Variants in HECW2 observed in about 807,000 individuals in gnomAD.
HECW2 encodes HECT, C2 and WW domain containing E3 ubiquitin protein ligase 2.
Under a neutral mutation model 175.2 loss-of-function variants are expected in HECW2, and 61 were observed. That is an observed-to-expected ratio of 0.35 (90% CI 0.28 to 0.43). The LOEUF (loss-of-function observed/expected upper bound fraction) is 0.43, where lower values mean the gene tolerates loss of function less well. HECW2 is among the 20% of genes least tolerant of loss of function. The probability of loss-of-function intolerance (pLI) is 1.00; values close to 1 mark genes in which losing one functional copy is unlikely to be tolerated. For missense variants in HECW2, 1,524 were observed against 2,000.5 expected (o/e 0.76, Z 4.54); for synonymous variants, 671 against 731.0 (o/e 0.92, Z 1.32).
Position 196,222,155 on chromosome 2 carries a change from C to T in HECW2, c.4146+56G>A, listed in dbSNP as rs145154786. 2.6e-3 allele frequency: 4,029 copies of T among 1,527,090 alleles called. 4 individuals are homozygous for T. Among genetic ancestry groups the T allele is most frequent in the Non-Finnish European group, 3.4e-3 (3,874 of 1,123,722 alleles). The allele number at this position is 1,527,090 out of a possible 1,614,324, so 94.6% of individuals were successfully genotyped here. On this transcript the variant is annotated intron_variant, in intron 24 of 28. Coordinates refer to ENST00000644978, the MANE Select transcript of HECW2 (RefSeq NM_001348768.2). ...TCTTAGCCATGGAGTTAATTCTTCA[C>T]TCATCAATAGCCTTCAGTTACCACA... is the stretch of plus-strand genomic sequence containing the variant.
At position 196,307,928 on chromosome 2, in the gene HECW2, T is replaced by C. The variant is rs560211954; in HGVS notation, c.2585+7A>G. On this transcript the variant is annotated splice_region_variant and intron_variant, in intron 11 of 28. Transcript: ENST00000644978. ...TACAACAGTCACAGCAAAATGTTCA[T>C]CCTCACCGCCGGTTCAGCTGCTCCA... The C allele has an allele frequency of 1.3e-5, 19 of 1,519,232 alleles. No individual in the cohort carries two copies. In the African/African-American group the frequency reaches 1.9e-4, roughly 15 times the overall value. The allele number at this position is 1,519,232 out of a possible 1,614,324, so 94.1% of individuals were successfully genotyped here.
chr2:196,233,227 T>C (rs988965546), intron 21 of HECW2, among the ~76,000 whole-genome samples: 5 of 152,142 alleles, frequency 3.3e-5, no homozygotes, highest in African/African-American at 1.2e-4. Context: ...GGACGACGGG[T>C]GTGTAGCCGC....
intron 2 of HECW2, 92 bp downstream of exon 2, chr2:196,433,040 T>G (rs1490560539): frequency 1.2e-5 from 15 of 1,283,698 alleles, no homozygotes; most frequent in Non-Finnish European, 1.5e-5. Flanking sequence ...GCATGTGAAT[T>G]TTTTTCCAGA....
chr2:196,382,455 G>C (rs1048359419), intron 2 of HECW2, among the ~76,000 whole-genome samples: 1 of 151,642 alleles, frequency 6.6e-6, no homozygotes, highest in African/African-American at 2.4e-5. Flanking sequence ...AAAGGCCTCT[G>C]GTTATTCACA....
chr2:196,561,023 G>C (rs1002305034), intron 1 of HECW2, among the ~76,000 whole-genome samples: 3 of 152,196 alleles, frequency 2.0e-5, no homozygotes, highest in Non-Finnish European at 4.4e-5. Context: ...GATGTTCAGG[G>C]AACAAGGGAG....
intron 28 of HECW2, among the ~76,000 whole-genome samples, chr2:196,206,943 C>T (rs576715313): frequency 6.6e-6 from 1 of 152,340 alleles, no homozygotes; most frequent in Non-Finnish European, 1.5e-5. Flanking sequence ...TCATAGAGGA[C>T]ACTATCTGTG....
chr2:196,393,418 T>C (rs1694570240), intron 2 of HECW2, among the ~76,000 whole-genome samples: 1 of 152,078 alleles, frequency 6.6e-6, no homozygotes, highest in Non-Finnish European at 1.5e-5. Context: ...AAAGGGCTAA[T>C]ATTGAGAATC....
At chr2:196,586,110 C>T (rs1690965346) in intron 1 of HECW2, among the ~76,000 whole-genome samples, 1 of 152,170 alleles carries the variant, frequency 6.6e-6, no homozygotes, top group Admixed American at 6.5e-5. Context: ...ATTCTTCTAG[C>T]AGGTCACTGA....
chr2:196,371,372 G>T (rs6749507), intron 2 of HECW2, among the ~76,000 whole-genome samples: 39,303 of 151,936 alleles, frequency 0.26, 6,465 homozygotes, highest in African/African-American at 0.47. Context: ...TTTAAATAAA[G>T]AATAAAAAAG....
At chr2:196,506,117 TA>T (rs1470467381) in intron 1 of HECW2, among the ~76,000 whole-genome samples, 1 of 152,048 alleles carries the variant, frequency 6.6e-6, no homozygotes, top group Middle Eastern at 3.2e-3. Context: ...GGGGATGGCA[TA>T]ATATGATATG....
intron 2 of HECW2, among the ~76,000 whole-genome samples, chr2:196,373,102 C>G (rs542137989): frequency 1.3e-5 from 2 of 152,292 alleles, no homozygotes; most frequent in Middle Eastern, 6.8e-3. Flanking sequence ...GACTCTAAAT[C>G]ACTGAAATAA....
At chr2:196,546,673 T>C (rs536980179) in intron 1 of HECW2, among the ~76,000 whole-genome samples, 8 of 152,240 alleles carry the variant, frequency 5.3e-5, no homozygotes, top group African/African-American at 9.6e-5. Context: ...AGAAAGACCA[T>C]TGGCTTTCAA....
chr2:196,529,754 T>C (rs1296354861), intron 1 of HECW2, among the ~76,000 whole-genome samples: 1 of 152,218 alleles, frequency 6.6e-6, no homozygotes, highest in Non-Finnish European at 1.5e-5. Context: ...TGAGTGACCA[T>C]GAAGAGCAAC....
At chr2:196,478,374 G>A (rs2125367368) in intron 1 of HECW2, among the ~76,000 whole-genome samples, 1 of 152,280 alleles carries the variant, frequency 6.6e-6, no homozygotes, top group East Asian at 1.9e-4. Context: ...GAGTCTCCTG[G>A]CTGCTGGTCT....
chr2:196,409,799 G>A (rs1002116236), intron 2 of HECW2, among the ~76,000 whole-genome samples: 1 of 152,168 alleles, frequency 6.6e-6, no homozygotes, highest in Non-Finnish European at 1.5e-5. Flanking sequence ...CATGCTACCA[G>A]AAGATTTTTA....
At chr2:196,500,757 T>TCAAGG (rs1687551608) in intron 1 of HECW2, among the ~76,000 whole-genome samples, 1 of 152,220 alleles carries the variant, frequency 6.6e-6, no homozygotes, top group South Asian at 2.1e-4. Flanking sequence ...ATCTAGACTA[T>TCAAGG]ACTGGATTTC....
At chr2:196,509,399 T>C (rs935051430) in intron 1 of HECW2, among the ~76,000 whole-genome samples, 1 of 152,210 alleles carries the variant, frequency 6.6e-6, no homozygotes, top group African/African-American at 2.4e-5. Context: ...GATTAAATTA[T>C]TGGCCACTGG....
chr2:196,460,397 A>T (rs77399476), intron 1 of HECW2, among the ~76,000 whole-genome samples: 1 of 152,204 alleles, frequency 6.6e-6, no homozygotes, highest in Admixed American at 6.5e-5. Context: ...TTAGAAGGCC[A>T]TCTCATCTAC....
intron 1 of HECW2, among the ~76,000 whole-genome samples, chr2:196,520,913 T>C (rs139547165): frequency 6.6e-6 from 1 of 151,784 alleles, no homozygotes; most frequent in East Asian, 1.9e-4. Flanking sequence ...TCAGAAAAAA[T>C]AAATAAAGAG....
Sources: allele counts gnomAD v4.1 joint callset (sites outside exome capture counted in the v4.1 genomes callset), GRCh38; gene constraint gnomAD v4.1.1; transcripts MANE v1.5; gene names NCBI Gene and HGNC (gene_info 2026-07-23, HGNC 2026-07-21).